ANKRD17: variants seen among roughly 807,000 people sequenced by gnomAD.
ANKRD17 encodes the protein ankyrin repeat domain-containing protein 17.
In ANKRD17, 19 loss-of-function variants were observed where a neutral mutation model predicts 229.7. That is an observed-to-expected ratio of 0.08 (90% CI 0.06 to 0.12). ANKRD17 has a LOEUF of 0.12. Among genes scored for constraint, ANKRD17 ranks in the 10% least tolerant of loss-of-function variants. The pLI is 1.00. For missense variants in ANKRD17, 2,176 were observed against 3,176.8 expected, an observed-to-expected ratio of 0.68 and a Z score of 7.57; for synonymous variants, 1,112 against 1,146.1, an observed-to-expected ratio of 0.97 and a Z score of 0.60.
At chr4:73,124,805 A>G (rs1234326264) in intron 18 of ANKRD17, 108 bp downstream of exon 18, 1 of 1,338,736 alleles carries the variant, frequency 7.5e-7, no homozygotes. Flanking sequence ...AGTTATTGTG[A>G]GAAATCTAAA....
intron 1 of ANKRD17, among the ~76,000 whole-genome samples, chr4:73,225,861 CAAAAAAAAAAAAA>C (rs375866026): frequency 7.5e-5 from 5 of 66,702 alleles, no homozygotes; most frequent in African/African-American, 2.2e-4. Context: ...GACTCTGTCT[CAAAAAAAAAAAAA>C]AAAAAAAAAA....
At chr4:73,115,151 T>C (rs563347688) in intron 23 of ANKRD17, among the ~76,000 whole-genome samples, 2 of 152,330 alleles carry the variant, frequency 1.3e-5, no homozygotes, top group East Asian at 1.9e-4. Flanking sequence ...TAAAAATCTA[T>C]TGGACTCATT....
intron 1 of ANKRD17, among the ~76,000 whole-genome samples, chr4:73,181,997 G>A (rs1486272223): frequency 4.8e-5 from 6 of 124,670 alleles, no homozygotes; most frequent in South Asian, 2.7e-4. Context: ...GCAGTGAGCC[G>A]AGATCGAGCC....
At chr4:73,116,768 T>C (rs947426889) in intron 22 of ANKRD17, among the ~76,000 whole-genome samples, 3 of 152,018 alleles carry the variant, frequency 2.0e-5, no homozygotes, top group African/African-American at 2.4e-5. Flanking sequence ...TTGTACCCTA[T>C]ATAACATAGT....
intron 23 of ANKRD17, among the ~76,000 whole-genome samples, chr4:73,114,370 T>C (rs1327098905): frequency 6.6e-6 from 1 of 152,216 alleles, no homozygotes; most frequent in Non-Finnish European, 1.5e-5. Flanking sequence ...TACATGTACT[T>C]ACATAATTTT....
At chr4:73,100,889 T>G in intron 25 of ANKRD17, 3 of 985,408 alleles carry the variant, frequency 3.0e-6, no homozygotes, top group Non-Finnish European at 3.6e-6. Context: ...GGTGGTTTCA[T>G]GGCAATGGTT....
chr4:73,155,034 C>G (rs1479372017), intron 5 of ANKRD17, among the ~76,000 whole-genome samples: 1 of 147,706 alleles, frequency 6.8e-6, no homozygotes, highest in East Asian at 2.0e-4. Flanking sequence ...GAGCGAGACT[C>G]CGTCTCAAAA....
At chr4:73,096,443 G>C (rs1723310594) in intron 27 of ANKRD17, among the ~76,000 whole-genome samples, 1 of 152,100 alleles carries the variant, frequency 6.6e-6, no homozygotes, top group African/African-American at 2.4e-5. Flanking sequence ...TCTAAAATAC[G>C]GAGGAAATAA....
intron 2 of ANKRD17, among the ~76,000 whole-genome samples, chr4:73,162,968 C>T (rs552796288): frequency 1.7e-4 from 26 of 152,058 alleles, no homozygotes; most frequent in African/African-American, 5.8e-4. Flanking sequence ...CAAGTGATCC[C>T]CCACTTTGGC....
At chr4:73,184,528 CAA>C (rs776930137) in intron 1 of ANKRD17, among the ~76,000 whole-genome samples, 200 of 29,932 alleles carry the variant, frequency 6.7e-3, no homozygotes, top group African/African-American at 0.025. Context: ...GACTTCCTCT[CAA>C]AAAAAAAAAA....
intron 1 of ANKRD17, among the ~76,000 whole-genome samples, chr4:73,218,458 C>T (rs1316533523): frequency 1.3e-5 from 2 of 151,976 alleles, no homozygotes; most frequent in Non-Finnish European, 2.9e-5. Flanking sequence ...GCCTGGCCAA[C>T]ATGGAGAAAC....
intron 3 of ANKRD17, among the ~76,000 whole-genome samples, chr4:73,157,972 T>TC (rs1190530305): frequency 2.6e-5 from 4 of 151,800 alleles, no homozygotes; most frequent in Non-Finnish European, 5.9e-5. Flanking sequence ...TGGCCTATAG[T>TC]CCCAGCTACT....
Position 73,077,428 on chromosome 4 carries a change from G to A in ANKRD17, c.7514C>T (p.Thr2505Ile). 3 of 1,613,842 alleles carry A rather than the reference G, an allele frequency of 1.9e-6. No individual in the cohort carries two copies. Among genetic ancestry groups the A allele is most frequent in the South Asian group, 1.1e-5 (1 of 91,050 alleles). Reference protein sequence around the residue: ...SQHQAMERDSTGIVTPSGTFH... With the variant: ...SQHQAMERDSIGIVTPSGTFH... ...TGTACCAGAAGGAGTTACAATTCCT[G>A]TACTATCTCGCTCCATTGCTTGATG... The change falls in exon 32 of 34, where the codon ACA becomes ATA. Residue 2505 changes from threonine (T) to isoleucine (I), a missense_variant. Thr to Ile is a moderately conservative substitution (Grantham distance 89, BLOSUM62 -1). This residue lies in a region of ANKRD17 where 159 missense variants were observed against 214.3 expected (regional missense o/e 0.74). Coordinates refer to ENST00000358602, the MANE Select transcript of ANKRD17 (RefSeq NM_032217.5).
rs149375948 is a variant in ANKRD17, at chr4:73,078,958, T to C, written c.7160-68A>G. The C allele has an allele frequency of 1.3e-3, 1,862 of 1,474,080 alleles. 30 individuals are homozygous for C. In the Admixed American group the frequency reaches 0.032, roughly 25 times the overall value. 91.3% of individuals were successfully genotyped at this position (1,474,080 alleles called of 1,614,324 possible). ...GAACATGTAATTTTATAAAACCAAA[T>C]CTTAAAACCAGGAGATGTTTTAAAT... On this transcript the variant is annotated intron_variant, in intron 30 of 33. Coordinates refer to ENST00000358602, the MANE Select transcript of ANKRD17 (RefSeq NM_032217.5).
chr4:73,136,390 A>G (rs1314239785), intron 15 of ANKRD17, among the ~76,000 whole-genome samples: 1 of 152,190 alleles, frequency 6.6e-6, no homozygotes, highest in Non-Finnish European at 1.5e-5. Context: ...AATTGATCTT[A>G]TTATAACAAT....
intron 1 of ANKRD17, among the ~76,000 whole-genome samples, chr4:73,203,760 A>G (rs1261895583): frequency 1.7e-4 from 8 of 45,720 alleles, no homozygotes; most frequent in African/African-American, 3.9e-4. Context: ...CTCCGTCTCA[A>G]AAAAAAAAAA....
intron 25 of ANKRD17, chr4:73,100,933 T>A: frequency 1.0e-6 from 1 of 985,380 alleles, no homozygotes; most frequent in South Asian, 4.7e-5. Context: ...TCTTTATCCA[T>A]AGATTTAACC....
chr4:73,163,724 G>T (rs970440607), intron 2 of ANKRD17, among the ~76,000 whole-genome samples: 1 of 152,166 alleles, frequency 6.6e-6, no homozygotes. Context: ...GCTTTATAGC[G>T]ATATCTGCAA....
At position 73,154,010 on chromosome 4, in the gene ANKRD17, A is replaced by G. The variant is rs1338644985; in HGVS notation, c.1104T>C (p.His368=). ...CACTTCCAGCTTCCATAAGAGGGGT[A>G]TGACCATTTTCATTATGGTCCTCAA... ...ASIEDHNENG[H]TPLMEAGSAG... The change falls in exon 6 of 34, where the codon CAT becomes CAC. Residue 368 remains histidine (H), a synonymous_variant. Transcript: ENST00000358602. 1.9e-6 allele frequency: 3 copies of G among 1,613,720 alleles called. No individual in the cohort carries two copies. Among genetic ancestry groups the G allele is most frequent in the Admixed American group, 3.3e-5 (2 of 59,900 alleles).
Sources: allele counts gnomAD v4.1 joint callset (sites outside exome capture counted in the v4.1 genomes callset), GRCh38; gene constraint gnomAD v4.1.1; regional missense constraint gnomAD v4.1.1; transcripts MANE v1.5; gene names NCBI Gene and HGNC (gene_info 2026-07-23, HGNC 2026-07-21).